LRP2: variants seen among roughly 807,000 people sequenced by gnomAD.
The protein encoded by LRP2 is LDL receptor related protein 2.
Under a neutral mutation model 531.0 loss-of-function variants are expected in LRP2, and 172 were observed. The ratio of observed to expected loss-of-function variants is 0.32; its 90% CI spans 0.29 to 0.37. The LOEUF is 0.37. LRP2 is among the 10% of genes least tolerant of loss of function. The pLI is 1.00. For missense variants in LRP2, 5,167 were observed against 5,868.3 expected (o/e 0.88, Z 3.90); for synonymous variants, 1,992 against 2,027.6 (o/e 0.98, Z 0.47).
chr2:169,326,896 T>C (rs1188266007), intron 1 of LRP2, among the ~76,000 whole-genome samples: 1 of 149,546 alleles, frequency 6.7e-6, no homozygotes, highest in African/African-American at 2.5e-5. Flanking sequence ...GGAGTGCCTC[T>C]GCCCGGCGGC....
At chr2:169,162,219 G>A (rs961319987) in intron 63 of LRP2, among the ~76,000 whole-genome samples, 11 of 152,168 alleles carry the variant, frequency 7.2e-5, no homozygotes, top group African/African-American at 2.2e-4. Flanking sequence ...CTCTAAGTTC[G>A]TTGCTCATTT....
chr2:169,288,363 T>C (rs1457325930), intron 9 of LRP2, among the ~76,000 whole-genome samples: 2 of 152,142 alleles, frequency 1.3e-5, no homozygotes, highest in Admixed American at 6.5e-5. Context: ...AGAGGAGAGA[T>C]ATGAGGAAAT....
chr2:169,144,420 G>A (rs1310689079), intron 70 of LRP2, among the ~76,000 whole-genome samples: 1 of 55,978 alleles, frequency 1.8e-5, no homozygotes, highest in Non-Finnish European at 3.4e-5. Flanking sequence ...TTCCAAAGGA[G>A]CCGCCTTCCC....
chr2:169,159,270 A>G (rs1558985672), intron 63 of LRP2, among the ~76,000 whole-genome samples: 2 of 152,170 alleles, frequency 1.3e-5, no homozygotes. Flanking sequence ...AATTCTTTCA[A>G]ATCAAAATAG....
chr2:169,272,814 A>G lies in LRP2; in HGVS notation c.2116+113T>C, dbSNP rs1683453657. On this transcript the variant is annotated intron_variant, in intron 15 of 78. Coordinates refer to ENST00000649046, the MANE Select transcript of LRP2 (RefSeq NM_004525.3). The stretch of plus-strand genomic sequence containing the variant: ...GCTACAGAAAGCTTATTTGCAGTCA[A>G]GAAGTTAGACAGGGAGCTGGTCCAG... 2.1e-6 allele frequency: 3 copies of G among 1,409,372 alleles called. No individual in the cohort carries two copies. The East Asian group carries it at 6.8e-5, about 32-fold the overall frequency. 87.3% of individuals were successfully genotyped at this position (1,409,372 alleles called of 1,614,324 possible).
intron 21 of LRP2, among the ~76,000 whole-genome samples, chr2:169,245,571 A>T (rs1689975977): frequency 6.6e-6 from 1 of 152,176 alleles, no homozygotes; most frequent in Admixed American, 6.5e-5. Flanking sequence ...ACCTTGATAG[A>T]GATTTCTGAG....
rs754798345 is a variant in LRP2 at position 169,173,988 on chromosome 2, G to A, written c.10945C>T (p.Pro3649Ser). Residue 3649 changes from proline (P) to serine (S), a missense_variant, in exon 56 of 79, where the codon CCG becomes TCG. Physicochemically the swap from Pro to Ser is moderately conservative, Grantham distance 74. Coordinates refer to ENST00000649046, the MANE Select transcript of LRP2 (RefSeq NM_004525.3). Reference protein sequence around the residue: ...QFRCANGRCIPQAWKCDVDND... With the variant: ...QFRCANGRCISQAWKCDVDND... Reference sequence around the variant, plus strand: ...TCCACATCACACTTCCAGGCCTGCGGGATGCAGCGGCCATTAGCACACCGA... The same window carrying A: ...TCCACATCACACTTCCAGGCCTGCGAGATGCAGCGGCCATTAGCACACCGA... 6.2e-7 allele frequency: 1 copy of A among 1,614,210 alleles called. No homozygotes were observed. Among genetic ancestry groups the A allele is most frequent in the East Asian group, 2.2e-5 (1 of 44,888 alleles).
At chr2:169,285,181 G>A (rs564310864) in intron 9 of LRP2, among the ~76,000 whole-genome samples, 264 of 151,530 alleles carry the variant, frequency 1.7e-3, no homozygotes, top group Non-Finnish European at 3.2e-3. Flanking sequence ...AATTAGCCAG[G>A]CATGGAGGCA....
chr2:169,234,123 T>C (rs1689515565), intron 29 of LRP2, among the ~76,000 whole-genome samples: 2 of 151,000 alleles, frequency 1.3e-5, no homozygotes, highest in Non-Finnish European at 1.5e-5. Context: ...TTTTAAATTG[T>C]TTTTAATTTT....
At chr2:169,321,746 A>G (rs529918410) in intron 1 of LRP2, among the ~76,000 whole-genome samples, 1 of 152,324 alleles carries the variant, frequency 6.6e-6, no homozygotes, top group South Asian at 2.1e-4. Flanking sequence ...GCCAAAAACA[A>G]AACAAAACAA....
intron 50 of LRP2, among the ~76,000 whole-genome samples, chr2:169,184,331 A>G (rs1687548651): frequency 6.6e-6 from 1 of 152,182 alleles, no homozygotes; most frequent in East Asian, 1.9e-4. Flanking sequence ...TTATCCAGCA[A>G]GCACTCAGCA....
chr2:169,227,401 G>A (rs1376262783), intron 31 of LRP2, among the ~76,000 whole-genome samples: 2 of 152,128 alleles, frequency 1.3e-5, no homozygotes, highest in Non-Finnish European at 2.9e-5. Flanking sequence ...TAAACTATCA[G>A]TTCACTTATC....
At chr2:169,349,547 C>A (rs77493104) in intron 1 of LRP2, among the ~76,000 whole-genome samples, 8,982 of 152,216 alleles carry the variant, frequency 0.059, 375 homozygotes, top group Non-Finnish European at 0.087. Context: ...GTGGTACACC[C>A]AGAGTTGTGC....
At chr2:169,163,541 T>C (rs1017099574) in intron 62 of LRP2, among the ~76,000 whole-genome samples, 4 of 152,126 alleles carry the variant, frequency 2.6e-5, no homozygotes, top group African/African-American at 7.2e-5. Context: ...CAGAACTCTA[T>C]GAAGGAAAGA....
chr2:169,130,431 G>A (rs1487827764), intron 77 of LRP2, among the ~76,000 whole-genome samples: 1 of 151,962 alleles, frequency 6.6e-6, no homozygotes, highest in Non-Finnish European at 1.5e-5. Context: ...GGGACTACAG[G>A]CATATGCCAC....
chr2:169,212,993 G>C (rs936070600), intron 36 of LRP2, among the ~76,000 whole-genome samples: 8 of 130,474 alleles, frequency 6.1e-5, no homozygotes, highest in Admixed American at 3.5e-4. Context: ...TTCACATGCA[G>C]TTAAAAAAAT....
chr2:169,154,058 A>G (rs1686243463), intron 66 of LRP2, among the ~76,000 whole-genome samples: 1 of 152,218 alleles, frequency 6.6e-6, no homozygotes, highest in South Asian at 2.1e-4. Context: ...ATGGTGAGCA[A>G]TCATAGAACT....
chr2:169,227,515 C>T (rs1689244750), intron 31 of LRP2, among the ~76,000 whole-genome samples: 1 of 152,044 alleles, frequency 6.6e-6, no homozygotes, highest in Non-Finnish European at 1.5e-5. Flanking sequence ...AAAAGGAAAA[C>T]TTTTGAATCT....
At chr2:169,352,388 C>A (rs1175920469) in intron 1 of LRP2, among the ~76,000 whole-genome samples, 2 of 152,144 alleles carry the variant, frequency 1.3e-5, no homozygotes, top group Non-Finnish European at 2.9e-5. Context: ...CTTGTTGTAG[C>A]TAGCTTGTAA....
Sources: allele counts gnomAD v4.1 joint callset (sites outside exome capture counted in the v4.1 genomes callset), GRCh38; gene constraint gnomAD v4.1.1; transcripts MANE v1.5; gene names NCBI Gene and HGNC (gene_info 2026-07-23, HGNC 2026-07-21).